ZNF211: variants seen among roughly 807,000 people sequenced by gnomAD.
ZNF211 encodes zinc finger protein C2H2-25.
In ZNF211, 18 loss-of-function variants were observed where a neutral mutation model predicts 12.1. That is an observed-to-expected ratio of 1.48 (90% CI 1.03 to 2.20). ZNF211 has a LOEUF of 2.20. Ranked by LOEUF, ZNF211 falls within the 30% of genes most tolerant of loss-of-function variation. ZNF211 has a pLI of 0.00. For missense variants in ZNF211, 677 were observed against 703.1 expected, an observed-to-expected ratio of 0.96 and a Z score of 0.42; for synonymous variants, 249 against 246.0, an observed-to-expected ratio of 1.01 and a Z score of -0.11.
chr19:57,640,197 T>C, intron 3 of ZNF211: 1 of 1,137,472 alleles, frequency 8.8e-7, no homozygotes, highest in Non-Finnish European at 1.2e-6. Flanking sequence ...CTACTACTTG[T>C]CATTTTTATT....
intron 1 of ZNF211, chr19:57,633,812 G>A (rs1599952955): frequency 6.4e-7 from 1 of 1,572,794 alleles, no homozygotes; most frequent in African/African-American, 1.3e-5. Context: ...AAAGACTTTA[G>A]AGATGGATGA....
rs1373062919 is a variant in ZNF211, at chr19:57,633,810, T to C, written c.91-213T>C. 4.5e-6 allele frequency: 7 copies of C among 1,570,356 alleles called. No individual in the cohort carries two copies. The African/African-American group carries it at 8.1e-5, about 18-fold the overall frequency. ...GGCTGTTCAGTGGAAGAAAAGACTT[T>C]AGAGATGGATGAGGACGTTGAGGCA... On this transcript the variant is annotated intron_variant, in intron 1 of 3. Coordinates refer to ENST00000240731, the MANE Select transcript of ZNF211 (RefSeq NM_006385.5).
At chr19:57,636,622 G>A (rs892054811) in intron 3 of ZNF211, among the ~76,000 whole-genome samples, 1 of 152,152 alleles carries the variant, frequency 6.6e-6, no homozygotes, top group Non-Finnish European at 1.5e-5. Flanking sequence ...TAGCCTTGCA[G>A]TAAGTTTTGA....
At chr19:57,635,224 G>A (rs1981984526) in intron 3 of ZNF211, among the ~76,000 whole-genome samples, 2 of 152,008 alleles carry the variant, frequency 1.3e-5, no homozygotes, top group South Asian at 2.1e-4. Context: ...CCTCCTTCAA[G>A]GTGTTTTTCT....
intron 3 of ZNF211, among the ~76,000 whole-genome samples, chr19:57,639,408 C>CTTTTTTTTTTTTTTTTTTTTTTTTTTTT (rs55696059): frequency 4.8e-5 from 1 of 20,758 alleles, no homozygotes; most frequent in African/African-American, 2.1e-4. Flanking sequence ...CCTTTATGTA[C>CTTTTTTTTTTTTTTTTTTTTTTTTTTTT]TTTTTTTTTT....
chr19:57,636,817 A>G (rs948398947), intron 3 of ZNF211, among the ~76,000 whole-genome samples: 6 of 152,210 alleles, frequency 3.9e-5, no homozygotes, highest in Admixed American at 2.6e-4. Context: ...CATCTTAACA[A>G]TATTGAGCAC....
In ZNF211 at chr19:57,642,025, A is replaced by G. The variant is rs754441072; in HGVS notation, c.1578A>G (p.Glu526=). The G allele has an allele frequency of 6.2e-7, 1 of 1,614,210 alleles. No homozygotes were observed. Among genetic ancestry groups the G allele is most frequent in the Non-Finnish European group, 8.5e-7 (1 of 1,180,002 alleles). Residue 526 remains glutamate, a synonymous_variant, in exon 4 of 4, where the codon GAA becomes GAG. Coordinates refer to ENST00000240731, the MANE Select transcript of ZNF211 (RefSeq NM_006385.5). ...HTGERPYECS[E]CGKSFSQSSS... Reference sequence around the variant, plus strand: ...GAGAAAGGCCTTATGAGTGCAGTGAATGTGGGAAATCCTTTAGCCAAAGTT... The same window carrying G: ...GAGAAAGGCCTTATGAGTGCAGTGAGTGTGGGAAATCCTTTAGCCAAAGTT...
chr19:57,639,928 G>T (rs1299695887), intron 3 of ZNF211: 2 of 1,535,616 alleles, frequency 1.3e-6, no homozygotes, highest in Non-Finnish European at 1.7e-6. Flanking sequence ...TATCATCCTG[G>T]TCTCATGTAG....
rs982630120 is a variant in ZNF211, at chr19:57,642,250, A to C, written c.*69A>C. Reference sequence around the variant, plus strand: ...AAGGAGTACACCTGTGAGAGAGACAAGTACCTGATTTGGAAGCCCCAACAT... The same window carrying C: ...AAGGAGTACACCTGTGAGAGAGACACGTACCTGATTTGGAAGCCCCAACAT... On this transcript the variant is annotated 3_prime_UTR_variant, in exon 4 of 4. Coordinates refer to ENST00000240731, the MANE Select transcript of ZNF211 (RefSeq NM_006385.5). 9.4e-6 allele frequency: 14 copies of C among 1,489,302 alleles called. No homozygotes were observed. The highest frequency in any genetic ancestry group is 1.4e-5 in the African/African-American group (1 of 71,368). 92.3% of individuals were successfully genotyped at this position (1,489,302 alleles called of 1,614,324 possible).
chr19:57,636,602 T>A (rs1169189225), intron 3 of ZNF211, among the ~76,000 whole-genome samples: 1 of 152,242 alleles, frequency 6.6e-6, no homozygotes, highest in Non-Finnish European at 1.5e-5. Flanking sequence ...CCACACTGTT[T>A]TAATTTCTAT....
At chr19:57,634,828 G>A (rs1981933804) in intron 3 of ZNF211, 73 bp downstream of exon 3, 5 of 1,431,606 alleles carry the variant, frequency 3.5e-6, no homozygotes, top group Non-Finnish European at 4.6e-6. Context: ...GAGCAGCTCT[G>A]TCCTCATATC....
chr19:57,636,190 G>C (rs138528317), intron 3 of ZNF211, among the ~76,000 whole-genome samples: 2 of 152,070 alleles, frequency 1.3e-5, no homozygotes, highest in East Asian at 3.9e-4. Flanking sequence ...TTATTCTGTG[G>C]GTTACGTTTT....
At position 57,642,362 on chromosome 19, in the gene ZNF211, C is replaced by T. The variant is rs972323161; in HGVS notation, c.*181C>T. ...TGCCATTTAGAAAGTGTTAGACTTT[C>T]TCACCTGCCATTTATGGCTCTTGCC... On this transcript the variant is annotated 3_prime_UTR_variant, in exon 4 of 4. Transcript: ENST00000240731. 1.8e-5 allele frequency: 12 copies of T among 671,946 alleles called. No individual in the cohort carries two copies. The highest frequency in any genetic ancestry group is 1.2e-4 in the Admixed American group (4 of 32,916). 41.6% of individuals were successfully genotyped at this position (671,946 alleles called of 1,614,324 possible). A position where few individuals can be genotyped will look rare whatever the true frequency, so the allele number is the denominator to read the frequency against.
chr19:57,634,776 C>G (rs752495432), intron 3 of ZNF211, 21 bp downstream of exon 3: 1 of 1,551,264 alleles, frequency 6.4e-7, no homozygotes, highest in Non-Finnish European at 8.7e-7. Context: ...CATACTCACC[C>G]TTGTGCCCTG....
intron 3 of ZNF211, chr19:57,639,802 C>T (rs1002057273): frequency 6.7e-6 from 8 of 1,190,782 alleles, no homozygotes; most frequent in African/African-American, 1.5e-5. Context: ...AGTTACAACA[C>T]TCTAACTTGA....
At chr19:57,639,664 G>A (rs1429793556) in intron 3 of ZNF211, among the ~76,000 whole-genome samples, 2 of 151,488 alleles carry the variant, frequency 1.3e-5, no homozygotes, top group Non-Finnish European at 2.9e-5. Flanking sequence ...GACCTCAGTT[G>A]ATCCACCCAC....
chr19:57,638,485 A>AT (rs1982423093), intron 3 of ZNF211, among the ~76,000 whole-genome samples: 1 of 152,006 alleles, frequency 6.6e-6, no homozygotes, highest in Non-Finnish European at 1.5e-5. Context: ...TGATTTCTTC[A>AT]TGGCCCCATT....
intron 3 of ZNF211, among the ~76,000 whole-genome samples, chr19:57,636,722 A>T (rs73064521): frequency 0.012 from 1,780 of 152,234 alleles, 17 homozygotes; most frequent in Non-Finnish European, 0.02. Context: ...GAATTTTAGG[A>T]TGGATTTTTT....
chr19:57,634,951 G>T, intron 3 of ZNF211, 196 bp downstream of exon 3: 1 of 985,392 alleles, frequency 1.0e-6, no homozygotes, highest in Non-Finnish European at 1.2e-6. Flanking sequence ...AAGGATTTGG[G>T]ATCAGTAGTC....
Sources: allele counts gnomAD v4.1 joint callset (sites outside exome capture counted in the v4.1 genomes callset), GRCh38; gene constraint gnomAD v4.1.1; transcripts MANE v1.5; gene names NCBI Gene and HGNC (gene_info 2026-07-23, HGNC 2026-07-21).